Variants in ZNF827 observed in about 807,000 individuals in gnomAD.
The protein encoded by ZNF827 is zinc finger protein 827.
A neutral mutation model predicts 102.4 loss-of-function variants in ZNF827; 13 were observed. The observed-to-expected ratio is 0.13, with a 90% CI of 0.08 to 0.20. The LOEUF is 0.20. Ranked by LOEUF, ZNF827 falls within the 10% of genes least tolerant of loss-of-function variation. The pLI is 1.00. For synonymous variants in ZNF827, 523 were observed against 536.2 expected, an observed-to-expected ratio of 0.98 and a Z score of 0.34; for missense variants, 1,103 against 1,344.4, an observed-to-expected ratio of 0.82 and a Z score of 2.81.
At chr4:145,907,715 C>T (rs995129511) in intron 1 of ZNF827, among the ~76,000 whole-genome samples, 1 of 152,180 alleles carries the variant, frequency 6.6e-6, no homozygotes, top group Non-Finnish European at 1.5e-5. Flanking sequence ...TATTTTTAAC[C>T]TCCAGAGAAG....
Position 145,758,252 on chromosome 4 carries a change from A to G in ZNF827, c.*3364T>C, listed in dbSNP as rs529760891. On this transcript the variant is annotated 3_prime_UTR_variant, in exon 15 of 15. Transcript: ENST00000508784. Reference sequence around the variant, plus strand: ...CAATTATATTAAGCATTACTAAGTCATTCAAATACAAGTTCAGTGGCAAGC... The same window carrying G: ...CAATTATATTAAGCATTACTAAGTCGTTCAAATACAAGTTCAGTGGCAAGC... 57 of 152,352 alleles carry G rather than the reference A, an allele frequency of 3.7e-4. No homozygotes were observed. The highest frequency in any genetic ancestry group is 1.3e-3 in the African/African-American group (53 of 41,584). The allele number at this position is 152,352 out of a possible 1,614,324, so 9.4% of individuals were successfully genotyped here.
intron 8 of ZNF827, among the ~76,000 whole-genome samples, chr4:145,819,601 C>A (rs537995482): frequency 1.3e-5 from 2 of 152,136 alleles, no homozygotes; most frequent in Non-Finnish European, 2.9e-5. Flanking sequence ...TTAAATTTCA[C>A]GTAGTCTGTA....
chr4:145,909,466 A>G (rs1310476905), intron 1 of ZNF827, among the ~76,000 whole-genome samples: 1 of 152,202 alleles, frequency 6.6e-6, no homozygotes, highest in African/African-American at 2.4e-5. Flanking sequence ...GGAGGCTGAA[A>G]ACCTGGCTGC....
intron 2 of ZNF827, among the ~76,000 whole-genome samples, chr4:145,895,669 T>C (rs1326599055): frequency 6.6e-6 from 1 of 152,208 alleles, no homozygotes; most frequent in African/African-American, 2.4e-5. Flanking sequence ...ACATCTACAT[T>C]TTTATTTATT....
At chr4:145,878,941 A>G (rs1372926594) in intron 4 of ZNF827, among the ~76,000 whole-genome samples, 1 of 152,134 alleles carries the variant, frequency 6.6e-6, no homozygotes, top group Admixed American at 6.5e-5. Flanking sequence ...AGGCATGAGG[A>G]GCAGGCTGCA....
At chr4:145,793,915 T>C (rs1740101269) in intron 8 of ZNF827, among the ~76,000 whole-genome samples, 1 of 152,142 alleles carries the variant, frequency 6.6e-6, no homozygotes, top group African/African-American at 2.4e-5. Flanking sequence ...GCTAATTGCT[T>C]GCCTAAGGTC....
chr4:145,863,997 C>T (rs1442334143), intron 5 of ZNF827, among the ~76,000 whole-genome samples: 1 of 151,836 alleles, frequency 6.6e-6, no homozygotes, highest in Non-Finnish European at 1.5e-5. Context: ...TGTTCGAGAC[C>T]AGCCTAGTCA....
intron 8 of ZNF827, among the ~76,000 whole-genome samples, chr4:145,801,152 T>C (rs567816457): frequency 7.2e-5 from 11 of 152,150 alleles, no homozygotes; most frequent in East Asian, 5.8e-4. Context: ...TAATTGCCTA[T>C]GTGAAGGAAA....
At chr4:145,898,963 A>G (rs1751193254) in intron 2 of ZNF827, among the ~76,000 whole-genome samples, 1 of 152,198 alleles carries the variant, frequency 6.6e-6, no homozygotes, top group South Asian at 2.1e-4. Flanking sequence ...CATTTTGAGA[A>G]ATCGCTTTTT....
chr4:145,839,419 T>C (rs1044940631), intron 7 of ZNF827: 4 of 152,218 alleles, frequency 2.6e-5, no homozygotes, highest in African/African-American at 7.2e-5. Context: ...TCTGACTTTA[T>C]ACACAAACAA....
intron 1 of ZNF827, among the ~76,000 whole-genome samples, chr4:145,916,006 T>C (rs1158172026): frequency 1.3e-5 from 2 of 152,232 alleles, no homozygotes; most frequent in Admixed American, 1.3e-4. Context: ...TTTGACTCCA[T>C]GTCCCCAATC....
chr4:145,938,341 G>A (rs757391266), intron 1 of ZNF827, 24 bp downstream of exon 1: 3 of 1,613,702 alleles, frequency 1.9e-6, no homozygotes, highest in Admixed American at 3.3e-5. Flanking sequence ...TGGCACGAGA[G>A]GAGGTGGAGA....
intron 11 of ZNF827, among the ~76,000 whole-genome samples, chr4:145,770,690 T>C (rs1352303442): frequency 6.6e-6 from 1 of 152,170 alleles, no homozygotes; most frequent in African/African-American, 2.4e-5. Flanking sequence ...TTGAAAATAT[T>C]TGCATTGTTT....
chr4:145,858,808 G>C (rs1747430306), intron 5 of ZNF827, among the ~76,000 whole-genome samples: 1 of 152,148 alleles, frequency 6.6e-6, no homozygotes, highest in African/African-American at 2.4e-5. Context: ...CCCAAGGAGG[G>C]AAAGGAGCAA....
At chr4:145,936,812 ACACCCGGGCGGGCGGGCGCTCCGG>A (rs1754207881) in intron 1 of ZNF827, among the ~76,000 whole-genome samples, 1 of 152,048 alleles carries the variant, frequency 6.6e-6, no homozygotes, top group Non-Finnish European at 1.5e-5. Context: ...CGTCGGCCTG[ACACCCGGGCGGGCGGGCGCTCCGG>A]CTCCACTCCC....
At chr4:145,892,650 G>A (rs1332715250) in intron 2 of ZNF827, among the ~76,000 whole-genome samples, 1 of 146,518 alleles carries the variant, frequency 6.8e-6, no homozygotes, top group Non-Finnish European at 1.6e-5. Flanking sequence ...TGATCATCCT[G>A]CCTTGTGAAA....
Position 145,763,672 on chromosome 4 carries a change from T to C in ZNF827, c.3231-550A>G, listed in dbSNP as rs1734854425. 6.6e-6 allele frequency among the ~76,000 whole-genome samples: 1 copy of C among 152,236 alleles called. No homozygotes were observed. Among genetic ancestry groups the C allele is most frequent in the Admixed American group, 6.5e-5 (1 of 15,290 alleles). On this transcript the variant is annotated intron_variant, in intron 13 of 14. Coordinates refer to ENST00000508784, the MANE Select transcript of ZNF827 (RefSeq NM_001306215.2). This position sits in a 1 kb window ranked among gnomAD's most constrained non-coding sequence, Gnocchi z 4.6. ...GGCTACTGGGAAGGGCAGTGAGCACTGGTCCAACCACAGAAAAACATGGTT... is the reference window on the plus strand; with the variant it reads ...GGCTACTGGGAAGGGCAGTGAGCACCGGTCCAACCACAGAAAAACATGGTT...
rs150496919 is a variant in ZNF827, at chr4:145,844,218, T to C, written c.2279+1738A>G. Among the ~76,000 whole-genome samples the C allele has an allele frequency of 3.6e-3, 546 of 152,168 alleles. 2 individuals are homozygous for C. The highest frequency in any genetic ancestry group is 5.8e-3 in the Non-Finnish European group (397 of 68,008). On this transcript the variant is annotated intron_variant, in intron 7 of 14. Coordinates refer to ENST00000508784, the MANE Select transcript of ZNF827 (RefSeq NM_001306215.2). Reference sequence around the variant, plus strand: ...CACATCTTCTATTTGGGCATCAAACTTAATATACAAAATAGCCTTTCCATC... The same window carrying C: ...CACATCTTCTATTTGGGCATCAAACCTAATATACAAAATAGCCTTTCCATC...
chr4:145,908,788 C>G (rs1426103729), intron 1 of ZNF827, among the ~76,000 whole-genome samples: 1 of 152,136 alleles, frequency 6.6e-6, no homozygotes, highest in Non-Finnish European at 1.5e-5. Context: ...TTCTAATCAA[C>G]AGAAGAGTGA....
Sources: gnomAD v4.1 joint callset for allele counts (sites outside exome capture counted in the v4.1 genomes callset) on GRCh38, gnomAD v4.1.1 for gene constraint, Gnocchi (gnomAD v3.1) non-coding constraint, MANE v1.5 for transcripts, NCBI Gene and HGNC (gene_info 2026-07-23, HGNC 2026-07-21) for gene names.